EPHA5: variants seen among roughly 807,000 people sequenced by gnomAD.
EPHA5 encodes ephrin type-A receptor 5.
Under a neutral mutation model 105.0 loss-of-function variants are expected in EPHA5, and 60 were observed. The ratio of observed to expected loss-of-function variants is 0.57; its 90% CI spans 0.46 to 0.71. The LOEUF is 0.71. Among genes scored for constraint, EPHA5 ranks in the 30% least tolerant of loss-of-function variants. The probability of loss-of-function intolerance (pLI) is 0.00; values close to 1 mark genes in which losing one functional copy is unlikely to be tolerated. For synonymous variants in EPHA5, 513 were observed against 449.1 expected (o/e 1.14, Z -1.80); for missense variants, 1,218 against 1,274.7 (o/e 0.96, Z 0.68).
intron 3 of EPHA5, among the ~76,000 whole-genome samples, chr4:65,596,703 C>CACAT (rs1280328429): frequency 6.6e-6 from 1 of 151,850 alleles, no homozygotes; most frequent in African/African-American, 2.4e-5. Flanking sequence ...CACACACACA[C>CACAT]ACACCAACAC....
intron 14 of EPHA5, among the ~76,000 whole-genome samples, chr4:65,338,749 A>G (rs73822110): frequency 0.011 from 1,746 of 152,140 alleles, 33 homozygotes; most frequent in African/African-American, 0.04. Flanking sequence ...TTTATATTAG[A>G]AGTTTCCTTT....
chr4:65,384,040 G>A (rs969375967), intron 8 of EPHA5, among the ~76,000 whole-genome samples: 1 of 151,710 alleles, frequency 6.6e-6, no homozygotes, highest in African/African-American at 2.4e-5. Context: ...GTTTGTATAC[G>A]AGAAAGTTCC....
intron 7 of EPHA5, among the ~76,000 whole-genome samples, chr4:65,407,129 G>T (rs532391910): frequency 6.6e-6 from 1 of 152,080 alleles, no homozygotes; most frequent in South Asian, 2.1e-4. Context: ...TCATTTTTAT[G>T]ATGTTTCCCT....
chr4:65,375,323 C>A (rs77087854), intron 8 of EPHA5, among the ~76,000 whole-genome samples: 34 of 151,652 alleles, frequency 2.2e-4, no homozygotes, highest in African/African-American at 8.0e-4. Context: ...CAGGCAAATA[C>A]ACATGCACAT....
intron 12 of EPHA5, 34 bp downstream of exon 12, chr4:65,353,008 C>G: frequency 7.3e-7 from 1 of 1,376,490 alleles, no homozygotes; most frequent in Non-Finnish European, 1.0e-6. Flanking sequence ...ATATAAATAA[C>G]ACCTTGAATA....
intron 5 of EPHA5, among the ~76,000 whole-genome samples, chr4:65,430,554 T>C (rs1724873434): frequency 6.6e-6 from 1 of 151,878 alleles, no homozygotes; most frequent in Non-Finnish European, 1.5e-5. Flanking sequence ...TGCCAGACAG[T>C]TTATAGTTTA....
intron 8 of EPHA5, among the ~76,000 whole-genome samples, chr4:65,383,461 T>C (rs1225191446): frequency 3.3e-5 from 5 of 151,784 alleles, no homozygotes; most frequent in Non-Finnish European, 5.9e-5. Flanking sequence ...ACCACCATTA[T>C]CACTTTCACT....
At chr4:65,326,893 GA>G in intron 16 of EPHA5, among the ~76,000 whole-genome samples, 1 of 151,166 alleles carries the variant, frequency 6.6e-6, no homozygotes, top group East Asian at 2.0e-4. Flanking sequence ...TGACCTGAAA[GA>G]ATTTATAAGT....
chr4:65,524,092 T>C (rs1373261086), intron 3 of EPHA5, among the ~76,000 whole-genome samples: 3 of 148,778 alleles, frequency 2.0e-5, no homozygotes, highest in East Asian at 3.9e-4. Context: ...TACTTCATTA[T>C]ATTTTTTCTT....
intron 12 of EPHA5, among the ~76,000 whole-genome samples, 159 bp downstream of exon 12, chr4:65,352,883 G>A (rs1722952579): frequency 6.7e-6 from 1 of 149,880 alleles, no homozygotes; most frequent in Non-Finnish European, 1.5e-5. Flanking sequence ...TGTTCATTTT[G>A]GAGTGTAATT....
At position 65,415,804 on chromosome 4, in the gene EPHA5, A is replaced by G. The variant is rs186797586; in HGVS notation, c.1528-1361T>C. On this transcript the variant is annotated intron_variant, in intron 6 of 16. Transcript: ENST00000613740. ...ATTGACAAACGTGTAATGCTCTTCCATTATCCACTCTATTACCCCTTCTGT... is the reference window on the plus strand; with the variant it reads ...ATTGACAAACGTGTAATGCTCTTCCGTTATCCACTCTATTACCCCTTCTGT... 5.3e-4 allele frequency among the ~76,000 whole-genome samples: 81 copies of G among 152,162 alleles called. 1 individual carries two copies. The highest frequency in any genetic ancestry group is 5.0e-3 in the Admixed American group (77 of 15,274).
chr4:65,379,799 CA>C, intron 8 of EPHA5, among the ~76,000 whole-genome samples: 1 of 151,512 alleles, frequency 6.6e-6, no homozygotes, highest in Non-Finnish European at 1.5e-5. Context: ...ACCTAATGGC[CA>C]ATGTAATTTA....
chr4:65,665,208 G>T (rs1749863871), intron 1 of EPHA5, among the ~76,000 whole-genome samples: 1 of 151,982 alleles, frequency 6.6e-6, no homozygotes, highest in African/African-American at 2.4e-5. Flanking sequence ...TATTTTTACA[G>T]TCAAAGGTAG....
At chr4:65,334,291 T>C (rs73822103) in intron 15 of EPHA5, among the ~76,000 whole-genome samples, 2,301 of 152,100 alleles carry the variant, frequency 0.015, 57 homozygotes, top group African/African-American at 0.052. Context: ...AATAAATGAA[T>C]ATGTTATAGT....
At chr4:65,441,420 A>T (rs1000533411) in intron 5 of EPHA5, among the ~76,000 whole-genome samples, 2 of 152,154 alleles carry the variant, frequency 1.3e-5, no homozygotes, top group African/African-American at 4.8e-5. Flanking sequence ...TATAGTATTT[A>T]CTTAAATTTG....
chr4:65,413,770 G>T (rs1723132654), intron 7 of EPHA5, among the ~76,000 whole-genome samples: 1 of 152,104 alleles, frequency 6.6e-6, no homozygotes, highest in Non-Finnish European at 1.5e-5. Context: ...AGAAAAAAGT[G>T]ATTCAAAAAG....
At chr4:65,576,921 C>T (rs991758997) in intron 3 of EPHA5, among the ~76,000 whole-genome samples, 3 of 152,104 alleles carry the variant, frequency 2.0e-5, no homozygotes, top group South Asian at 2.1e-4. Context: ...TACCTCTTTC[C>T]ATGTCTATCA....
intron 7 of EPHA5, among the ~76,000 whole-genome samples, chr4:65,407,141 A>T (rs1314900607): frequency 1.3e-5 from 2 of 152,112 alleles, no homozygotes; most frequent in Non-Finnish European, 2.9e-5. Flanking sequence ...TGTTTCCCTG[A>T]TCAAAAACTT....
intron 2 of EPHA5, among the ~76,000 whole-genome samples, chr4:65,637,569 C>CATAT (rs34456844): frequency 0.19 from 21,251 of 112,092 alleles, 2,384 homozygotes; most frequent in East Asian, 0.26. Context: ...ATGAGTTTTG[C>CATAT]ATATATATAT....
Sources: allele counts gnomAD v4.1 joint callset (sites outside exome capture counted in the v4.1 genomes callset), GRCh38; gene constraint gnomAD v4.1.1; transcripts MANE v1.5; gene names NCBI Gene and HGNC (gene_info 2026-07-23, HGNC 2026-07-21).